TBXAS1: variants seen among roughly 807,000 people sequenced by gnomAD.
TBXAS1 encodes thromboxane-A synthase.
In TBXAS1, 48 loss-of-function variants were observed where a neutral mutation model predicts 60.7. That is an observed-to-expected ratio of 0.79 (90% CI 0.63 to 1.01). TBXAS1 has a LOEUF of 1.01. TBXAS1 is among the 50% of genes least tolerant of loss of function. The probability of loss-of-function intolerance (pLI) is 0.00; values close to 1 mark genes in which losing one functional copy is unlikely to be tolerated. For missense variants in TBXAS1, 685 were observed against 686.3 expected, an observed-to-expected ratio of 1.00 and a Z score of 0.02; for synonymous variants, 287 against 269.7, an observed-to-expected ratio of 1.06 and a Z score of -0.63.
chr7:139,898,413 C>CTTTTTTTTTTTTTTTTTTTT (rs71170921), intron 3 of TBXAS1, among the ~76,000 whole-genome samples: 3 of 82,222 alleles, frequency 3.6e-5, no homozygotes, highest in African/African-American at 1.5e-4. Flanking sequence ...ACGTGCATGG[C>CTTTTTTTTTTTTTTTTTTTT]TTTTTTTTTT....
Position 139,988,929 on chromosome 7 carries a change from G to A in TBXAS1, c.1135-18162G>A, listed in dbSNP as rs530959690. Reference sequence around the variant, plus strand: ...GGCCATTGGTAGGTAGTCCCAGCTGGTCTGGTGTGTGAGGGGAGAGGCAGG... The same window carrying A: ...GGCCATTGGTAGGTAGTCCCAGCTGATCTGGTGTGTGAGGGGAGAGGCAGG... On this transcript the variant is annotated intron_variant, in intron 9 of 12. Coordinates refer to ENST00000448866, the MANE Select transcript of TBXAS1 (RefSeq NM_001061.7). 2.2e-4 allele frequency among the ~76,000 whole-genome samples: 34 copies of A among 152,304 alleles called. No individual in the cohort carries two copies. In the South Asian group the frequency reaches 6.4e-3, roughly 29 times the overall value.
At chr7:139,997,882 C>G (rs183961965) in intron 9 of TBXAS1, among the ~76,000 whole-genome samples, 20 of 152,294 alleles carry the variant, frequency 1.3e-4, no homozygotes, top group Admixed American at 1.2e-3. Flanking sequence ...AGATGTACAC[C>G]CAACAGAAAC....
At chr7:139,978,775 CAAAAAAAAAAA>C (rs35583867) in intron 9 of TBXAS1, among the ~76,000 whole-genome samples, 1 of 90,990 alleles carries the variant, frequency 1.1e-5, no homozygotes, top group Non-Finnish European at 2.3e-5. Context: ...CCTGCCTCTA[CAAAAAAAAAAA>C]AAAAAAAAAA....
chr7:139,837,304 C>A (rs981663931), intron 1 of TBXAS1, among the ~76,000 whole-genome samples: 4 of 152,174 alleles, frequency 2.6e-5, no homozygotes, highest in African/African-American at 9.7e-5. Context: ...AGCAATTCCG[C>A]TACTGGGTAT....
At chr7:139,864,386 A>G (rs1801198009) in intron 1 of TBXAS1, among the ~76,000 whole-genome samples, 1 of 152,188 alleles carries the variant, frequency 6.6e-6, no homozygotes, top group African/African-American at 2.4e-5. Context: ...GAGATACAAC[A>G]CATTCATATA....
At position 139,953,375 on chromosome 7, in the gene TBXAS1, C is replaced by T. The variant is rs751688125; in HGVS notation, c.458C>T (p.Pro153Leu). Residue 153 changes from proline to leucine, a missense_variant, in exon 6 of 13, where the codon CCC (proline) becomes CTC (leucine). By Grantham distance (98) the Pro-to-Leu change is moderately conservative (BLOSUM62 -3). Transcript: ENST00000448866. Reference sequence around the variant, plus strand: ...TTTGTTATCCATTATCAGATGGTTCCCCTCATCAGCCAAGCCTGCGACCTT... The same window carrying T: ...TTTGTTATCCATTATCAGATGGTTCTCCTCATCAGCCAAGCCTGCGACCTT... ...FSPEKLNEMVPLISQACDLLL... is the reference protein window; with the variant it reads ...FSPEKLNEMVLLISQACDLLL... 2.5e-6 allele frequency: 4 copies of T among 1,614,004 alleles called. No homozygotes were observed. The highest frequency in any genetic ancestry group is 3.4e-6 in the Non-Finnish European group (4 of 1,179,836).
At chr7:139,834,140 A>T (rs1001639356) in intron 1 of TBXAS1, among the ~76,000 whole-genome samples, 2 of 152,260 alleles carry the variant, frequency 1.3e-5, no homozygotes, top group African/African-American at 4.8e-5. Flanking sequence ...TAAAACTGGA[A>T]ATCATCTCCA....
rs920827262 is a variant in TBXAS1 at position 139,988,697 on chromosome 7, C to T, written c.1135-18394C>T. On this transcript the variant is annotated intron_variant, in intron 9 of 12. Transcript: ENST00000448866. ...CATCAGCCCAGCTTGCATGGATGCC[C>T]GGGACACATACAGCACTTTCTTGGT... Among the ~76,000 whole-genome samples, 12 of 152,250 alleles carry T rather than the reference C, an allele frequency of 7.9e-5. No individual in the cohort carries two copies. In the East Asian group the frequency reaches 1.4e-3, roughly 17 times the overall value.
At position 139,872,307 on chromosome 7, in the gene TBXAS1, A is replaced by G. The variant is rs766677167; in HGVS notation, c.162A>G (p.Gly54=). 3.7e-6 allele frequency: 6 copies of G among 1,613,998 alleles called. No individual in the cohort carries two copies. Among genetic ancestry groups the G allele is most frequent in the Non-Finnish European group, 5.1e-6 (6 of 1,179,924 alleles). Reference sequence around the variant, plus strand: ...ATCCCAAGCCTTCTCCTTTCATTGGAAACTTGACATTTTTCCGCCAGGTAA... The same window carrying G: ...ATCCCAAGCCTTCTCCTTTCATTGGGAACTTGACATTTTTCCGCCAGGTAA... ...LRHPKPSPFI[G]NLTFFRQGFW... Residue 54 remains glycine (G), a synonymous_variant, in exon 2 of 13, where the codon GGA becomes GGG. Transcript: ENST00000448866.
chr7:139,956,604 A>C (rs1809886117), intron 7 of TBXAS1, among the ~76,000 whole-genome samples: 1 of 152,140 alleles, frequency 6.6e-6, no homozygotes, highest in South Asian at 2.1e-4. Context: ...TCATTCCTTG[A>C]CCAGTTTCAT....
intron 9 of TBXAS1, among the ~76,000 whole-genome samples, chr7:139,978,379 G>A (rs757042172): frequency 6.6e-6 from 1 of 151,744 alleles, no homozygotes; most frequent in Non-Finnish European, 1.5e-5. Context: ...GCATGGTGGT[G>A]CACACCTGTA....
Position 139,778,804 on chromosome 7 carries a change from CG to C in TBXAS1, c.-318+336del, listed in dbSNP as rs1796876623. Among the ~76,000 whole-genome samples the C allele has an allele frequency of 1.3e-5, 2 of 152,266 alleles. No homozygotes were observed. The highest frequency in any genetic ancestry group is 4.1e-4 in the South Asian group (2 of 4,826). On this transcript the variant is annotated intron_variant, in intron 1 of 16. Transcript: ENST00000336425. The surrounding 1 kb of genome is among the most constrained non-coding windows in gnomAD (Gnocchi z 4.8). The stretch of plus-strand genomic sequence containing the variant: ...AAACACTCTCCAGACTCTCCCCAGC[CG>C]GGAGCCTCTCCAGGTTTGCTTCTCC...
chr7:139,875,941 C>G, intron 3 of TBXAS1: 2 of 447,062 alleles, frequency 4.5e-6, no homozygotes, highest in Non-Finnish European at 8.3e-6. Context: ...GGTGTTGCCA[C>G]GGGATGTGGT....
chr7:139,962,176 C>G lies in TBXAS1; in HGVS notation c.1077C>G (p.Thr359=). 6.2e-7 allele frequency: 1 copy of G among 1,614,182 alleles called. No individual in the cohort carries two copies. The highest frequency in any genetic ancestry group is 8.5e-7 in the Non-Finnish European group (1 of 1,180,030). The change falls in exon 9 of 13, where the codon ACC becomes ACG. Residue 359 remains threonine (T), a synonymous_variant. Transcript: ENST00000448866. ...CTTTTGCCACCTACCTACTGGCCAC[C>G]AACCCTGACTGCCAAGAGAAGCTTC... The part of the protein sequence containing the change: ...TLSFATYLLA[T]NPDCQEKLLR...
intron 3 of TBXAS1, among the ~76,000 whole-genome samples, chr7:139,888,843 CAGGACTGGTGCTA>C (rs977148290): frequency 2.0e-5 from 3 of 151,796 alleles, no homozygotes; most frequent in Admixed American, 1.3e-4. Flanking sequence ...GAGAGAACCT[CAGGACTGGTGCTA>C]AGGAGGTGGG....
intron 9 of TBXAS1, among the ~76,000 whole-genome samples, chr7:139,980,378 T>C (rs2117504381): frequency 6.6e-6 from 1 of 152,238 alleles, no homozygotes; most frequent in South Asian, 2.1e-4. Context: ...TCATCTGAAA[T>C]GAGAGGTGGC....
At chr7:139,794,176 G>A (rs1195489325) in intron 4 of TBXAS1, among the ~76,000 whole-genome samples, 3 of 151,422 alleles carry the variant, frequency 2.0e-5, no homozygotes, top group East Asian at 1.9e-4. Context: ...ATCTCGGCTC[G>A]CTGCAACCTC....
intron 1 of TBXAS1, among the ~76,000 whole-genome samples, chr7:139,855,902 G>C (rs1800548580): frequency 6.6e-6 from 1 of 152,132 alleles, no homozygotes; most frequent in African/African-American, 2.4e-5. Flanking sequence ...AATAAAGCGA[G>C]TGAAAAAAGC....
At chr7:139,833,752 T>C (rs1335681322) in intron 1 of TBXAS1, among the ~76,000 whole-genome samples, 2 of 151,852 alleles carry the variant, frequency 1.3e-5, no homozygotes, top group Non-Finnish European at 2.9e-5. Flanking sequence ...TGTCCAACAG[T>C]AAAATATCAC....
Sources: allele counts gnomAD v4.1 joint callset (sites outside exome capture counted in the v4.1 genomes callset), GRCh38; gene constraint gnomAD v4.1.1; non-coding constraint Gnocchi (gnomAD v3.1); transcripts MANE v1.5; gene names NCBI Gene and HGNC (gene_info 2026-07-23, HGNC 2026-07-21).